Variants in ARPC2 observed in about 807,000 individuals in gnomAD.
ARPC2 encodes actin-related protein 2/3 complex subunit 2.
In ARPC2, 4 loss-of-function variants were observed where a neutral mutation model predicts 38.6. The observed-to-expected ratio is 0.10, with a 90% CI of 0.05 to 0.24. The LOEUF (loss-of-function observed/expected upper bound fraction) is 0.24. Ranked by LOEUF, ARPC2 falls within the 10% of genes least tolerant of loss-of-function variation. The pLI is 1.00. For synonymous variants in ARPC2, 125 were observed against 140.8 expected (o/e 0.89, Z 0.79); for missense variants, 229 against 387.3 (o/e 0.59, Z 3.43).
intron 2 of ARPC2, among the ~76,000 whole-genome samples, chr2:218,224,701 T>TAG (rs10627078): frequency 0.91 from 138,536 of 152,202 alleles, 64,342 homozygotes; most frequent in East Asian, 1. Flanking sequence ...AAGTCACATA[T>TAG]AGGGCTTTGA....
chr2:218,243,255 A>G (rs1483072951), intron 7 of ARPC2, among the ~76,000 whole-genome samples: 1 of 152,156 alleles, frequency 6.6e-6, no homozygotes, highest in Non-Finnish European at 1.5e-5. Context: ...AATGCCTTGT[A>G]TATATTTGGA....
chr2:218,226,326 A>G (rs1411337727), intron 3 of ARPC2, among the ~76,000 whole-genome samples: 1 of 150,024 alleles, frequency 6.7e-6, no homozygotes, highest in Non-Finnish European at 1.5e-5. Context: ...AGAAAATTGT[A>G]CCTAAAATAA....
intron 2 of ARPC2, among the ~76,000 whole-genome samples, chr2:218,218,639 A>G (rs552599167): frequency 1.3e-3 from 199 of 152,362 alleles, no homozygotes; most frequent in Middle Eastern, 6.8e-3. Flanking sequence ...TGAACTGGGA[A>G]CTAGTAATAG....
intron 4 of ARPC2, chr2:218,233,620 A>C (rs1435994534): frequency 6.6e-6 from 1 of 151,298 alleles, no homozygotes; most frequent in Non-Finnish European, 1.5e-5. Flanking sequence ...GCACTGAGTA[A>C]TTTTAAAGCA....
rs1432386896 is a variant in ARPC2 at position 218,217,193 on chromosome 2, G to C, written c.-70G>C. ...GGCTGGGCGGGGACCGGGCTTGTCG[G>C]TGAAGCGGCAGTGGCGGCGGCGGCG... On this transcript the variant is annotated 5_prime_UTR_variant, in exon 1 of 11. Coordinates refer to ENST00000315717, the MANE Select transcript of ARPC2 (RefSeq NM_152862.3). 3 of 440,542 alleles carry C rather than the reference G, an allele frequency of 6.8e-6. No individual in the cohort carries two copies. Among genetic ancestry groups the C allele is most frequent in the Non-Finnish European group, 1.2e-5 (3 of 246,164 alleles). The allele number at this position is 440,542 out of a possible 1,614,324, so 27.3% of individuals were successfully genotyped here.
At chr2:218,241,085 C>A (rs1004823195) in intron 7 of ARPC2, among the ~76,000 whole-genome samples, 1 of 152,154 alleles carries the variant, frequency 6.6e-6, no homozygotes, top group Non-Finnish European at 1.5e-5. Flanking sequence ...AAATCTAGTA[C>A]AATGGTAAAA....
chr2:218,227,315 A>G (rs1574578372), intron 3 of ARPC2, among the ~76,000 whole-genome samples: 1 of 152,250 alleles, frequency 6.6e-6, no homozygotes, highest in African/African-American at 2.4e-5. Context: ...AAGCAACTCA[A>G]AAGATAACCA....
At position 218,238,906 on chromosome 2, in the gene ARPC2, C is replaced by CT. The variant is rs1689843005; in HGVS notation, c.455+58dup. ...ATATGGCTGCTACACCACCATGGCACTTACTGAAAGAAATATGGCTTGGTC... is the reference window on the plus strand; with the variant it reads ...ATATGGCTGCTACACCACCATGGCACTTTACTGAAAGAAATATGGCTTGGTC... On this transcript the variant is annotated intron_variant, in intron 6 of 10. Transcript: ENST00000315717. The CT allele has an allele frequency of 1.5e-5, 20 of 1,349,352 alleles. 1 individual carries two copies. In the South Asian group the frequency reaches 2.7e-4, roughly 18 times the overall value. 83.6% of individuals were successfully genotyped at this position (1,349,352 alleles called of 1,614,324 possible).
At chr2:218,236,136 A>G (rs1406842006) in intron 5 of ARPC2, 1 of 151,396 alleles carries the variant, frequency 6.6e-6, no homozygotes, top group Non-Finnish European at 1.5e-5. Flanking sequence ...CTCTTTTTTA[A>G]TGGGTTTATC....
At chr2:218,237,429 C>T (rs1689800430) in intron 5 of ARPC2, among the ~76,000 whole-genome samples, 1 of 151,954 alleles carries the variant, frequency 6.6e-6, no homozygotes, top group South Asian at 2.1e-4. Context: ...GAACTCCTGA[C>T]CTCAGGTGAT....
At chr2:218,231,029 G>A (rs185133526) in intron 4 of ARPC2, among the ~76,000 whole-genome samples, 79 of 152,300 alleles carry the variant, frequency 5.2e-4, no homozygotes, top group African/African-American at 1.8e-3. Flanking sequence ...CAAGTGGGTG[G>A]AGTAAGTAAC....
chr2:218,237,260 C>T (rs553957948), intron 5 of ARPC2, among the ~76,000 whole-genome samples: 13 of 152,138 alleles, frequency 8.5e-5, no homozygotes, highest in Admixed American at 5.9e-4. Flanking sequence ...AGTGCCGTGG[C>T]GCGATCTCAG....
intron 3 of ARPC2, among the ~76,000 whole-genome samples, chr2:218,227,377 C>T (rs974539880): frequency 9.2e-5 from 14 of 152,186 alleles, no homozygotes; most frequent in African/African-American, 3.4e-4. Flanking sequence ...GACAACAATG[C>T]TTAAAATTTT....
In ARPC2 at chr2:218,244,767, ATCC is replaced by A. The variant is rs1182412014; in HGVS notation, c.550-648_550-646del. 2.0e-5 allele frequency among the ~76,000 whole-genome samples: 3 copies of A among 152,354 alleles called. No homozygotes were observed. In the East Asian group the frequency reaches 5.8e-4, roughly 29 times the overall value. ...GAGACCTTGGAGAGTCCTTGGCAGC[ATCC>A]TCCTGCTGTCTATCATCTTGGAAGG... On this transcript the variant is annotated intron_variant, in intron 7 of 10. Transcript: ENST00000315717.
At chr2:218,246,818 A>G (rs1395169676) in intron 8 of ARPC2, among the ~76,000 whole-genome samples, 1 of 152,068 alleles carries the variant, frequency 6.6e-6, no homozygotes, top group African/African-American at 2.4e-5. Flanking sequence ...TAAAAATACA[A>G]AAATTAGTTG....
At chr2:218,251,229 G>T (rs1415724450) in intron 10 of ARPC2, among the ~76,000 whole-genome samples, 3 of 151,804 alleles carry the variant, frequency 2.0e-5, no homozygotes, top group Non-Finnish European at 4.4e-5. Context: ...TTTGTTTTTT[G>T]ATACAGAGTT....
intron 3 of ARPC2, 43 bp from the exon 4 acceptor site, chr2:218,228,695 C>A (rs1238156332): frequency 7.9e-7 from 1 of 1,269,530 alleles, no homozygotes; most frequent in Admixed American, 1.7e-5. Flanking sequence ...AGATTATTTC[C>A]CATTCCCAAA....
intron 3 of ARPC2, 136 bp from the exon 4 acceptor site, chr2:218,228,602 G>A (rs1689562527): frequency 3.7e-6 from 2 of 533,920 alleles, no homozygotes; most frequent in Non-Finnish European, 6.8e-6. Context: ...TTGTCACATG[G>A]ATTTAAAATA....
chr2:218,217,764 G>T (rs936355372), intron 2 of ARPC2, among the ~76,000 whole-genome samples: 1 of 152,214 alleles, frequency 6.6e-6, no homozygotes, highest in Non-Finnish European at 1.5e-5. Flanking sequence ...CGGAAGCAGC[G>T]AGTGGTGAGG....
Sources: gnomAD v4.1 joint callset for allele counts (sites outside exome capture counted in the v4.1 genomes callset) on GRCh38, gnomAD v4.1.1 for gene constraint, MANE v1.5 for transcripts, NCBI Gene and HGNC (gene_info 2026-07-23, HGNC 2026-07-21) for gene names.